The following XPC variants were observed in gnomAD, a reference collection of about 807,000 sequenced individuals.
The protein encoded by XPC is DNA repair protein complementing XP-C cells.
A neutral mutation model predicts 95.8 loss-of-function variants in XPC; 76 were observed. The observed-to-expected ratio is 0.79, with a 90% CI of 0.66 to 0.96. The LOEUF is 0.96. XPC is among the 40% of genes least tolerant of loss of function. XPC has a pLI of 0.00. For missense variants in XPC, 1,146 were observed against 1,179.8 expected (o/e 0.97, Z 0.42); for synonymous variants, 442 against 442.1 (o/e 1.00, Z 0.00).
chr3:14,176,098 C>T (rs1696804699), intron 1 of XPC, among the ~76,000 whole-genome samples: 1 of 152,216 alleles, frequency 6.6e-6, no homozygotes, highest in Non-Finnish European at 1.5e-5. Flanking sequence ...TTACATTTCA[C>T]AGAGGAAATT....
At position 14,158,312 on chromosome 3, in the gene XPC, C is replaced by T. The variant is rs1317925287; in HGVS notation, c.1571G>A (p.Ser524Asn). The change falls in exon 9 of 16, where the codon AGC (serine) becomes AAC (asparagine). Residue 524 changes from serine (S) to asparagine (N), a missense_variant. Transcript: ENST00000285021. The surrounding 1 kb of genome is among the most constrained non-coding windows in gnomAD (Gnocchi z 5.2). The part of the protein sequence containing the change: ...CSDGEKAEKR[S>N]IAGIDQWLEV... ...TAGCCACTGGTCTATACCAGCTATG[C>T]TTCTTTTTTCTGCCTTCTCACCATC... 1 of 1,614,032 alleles carries T rather than the reference C, an allele frequency of 6.2e-7. No homozygotes were observed. Among genetic ancestry groups the T allele is most frequent in the Admixed American group, 1.7e-5 (1 of 60,026 alleles).
Position 14,145,619 on chromosome 3 carries a change from G to A in XPC, c.*322C>T, listed in dbSNP as rs562756082. On this transcript the variant is annotated 3_prime_UTR_variant, in exon 16 of 16. Transcript: ENST00000285021. Reference sequence around the variant, plus strand: ...CCATACAAAAACTGATGTTTCTAAAGATGGAAAGAACAGGTCTAGGAGGCA... The same window carrying A: ...CCATACAAAAACTGATGTTTCTAAAAATGGAAAGAACAGGTCTAGGAGGCA... The A allele has an allele frequency of 2.9e-6, 2 of 699,456 alleles. No homozygotes were observed. The highest frequency in any genetic ancestry group is 5.4e-5 in the East Asian group (2 of 37,274). 43.3% of individuals were successfully genotyped at this position (699,456 alleles called of 1,614,324 possible).
chr3:14,167,651 T>TA (rs1406644631), intron 4 of XPC, among the ~76,000 whole-genome samples: 1 of 152,222 alleles, frequency 6.6e-6, no homozygotes, highest in African/African-American at 2.4e-5. Context: ...TGTTCTAGTG[T>TA]AAAATCTCTT....
Position 14,145,354 on chromosome 3 carries a change from A to C in XPC, c.*587T>G. 1 of 699,828 alleles carries C rather than the reference A, an allele frequency of 1.4e-6. No individual in the cohort carries two copies. Among genetic ancestry groups the C allele is most frequent in the Non-Finnish European group, 2.6e-6 (1 of 384,586 alleles). The allele number at this position is 699,828 out of a possible 1,614,324, so 43.4% of individuals were successfully genotyped here. A position where few individuals can be genotyped will look rare whatever the true frequency, so the allele number is the denominator to read the frequency against. On this transcript the variant is annotated 3_prime_UTR_variant, in exon 16 of 16. Coordinates refer to ENST00000285021, the MANE Select transcript of XPC (RefSeq NM_004628.5). The stretch of plus-strand genomic sequence containing the variant: ...TAGGCTTCTGTCACCACAAAATGTT[A>C]CTTGGAAAACTAGATCCCAGCAGAT...
chr3:14,168,911 C>T (rs767534582), intron 3 of XPC, among the ~76,000 whole-genome samples: 4 of 152,138 alleles, frequency 2.6e-5, no homozygotes, highest in African/African-American at 9.7e-5. Flanking sequence ...TATACAGTAG[C>T]TGAGAAGGAC....
intron 7 of XPC, chr3:14,164,586 A>G: frequency 2.2e-6 from 1 of 463,694 alleles, no homozygotes; most frequent in East Asian, 4.2e-5. Context: ...GAAAGCATAC[A>G]GGCCCTCCAC....
intron 3 of XPC, 101 bp from the exon 4 acceptor site, chr3:14,168,481 C>T: frequency 6.9e-7 from 1 of 1,454,590 alleles, no homozygotes; most frequent in Middle Eastern, 1.9e-4. Context: ...GGAAGTGAGG[C>T]ATGAATGTGA....
At chr3:14,166,983 T>C (rs1198248183) in intron 5 of XPC, among the ~76,000 whole-genome samples, 186 bp downstream of exon 5, 2 of 152,092 alleles carry the variant, frequency 1.3e-5, no homozygotes, top group African/African-American at 4.8e-5. Context: ...TTACCTATAA[T>C]ACACAACCAC....
chr3:14,167,291 G>T (rs760001837), intron 4 of XPC, 38 bp from the exon 5 acceptor site: 3 of 1,567,120 alleles, frequency 1.9e-6, no homozygotes, highest in Non-Finnish European at 2.6e-6. Context: ...ATGAAGGGGG[G>T]AACTGAAACC....
intron 5 of XPC, 93 bp downstream of exon 5, chr3:14,167,076 C>T (rs1696410230): frequency 5.1e-6 from 6 of 1,169,562 alleles, no homozygotes; most frequent in Admixed American, 6.3e-5. Context: ...TTGCCATGGC[C>T]ACAGAGCAGC....
At chr3:14,169,515 T>C (rs3731086) in intron 3 of XPC, among the ~76,000 whole-genome samples, 13 of 152,100 alleles carry the variant, frequency 8.5e-5, no homozygotes, top group Non-Finnish European at 1.9e-4. Context: ...TGCTCTATAT[T>C]AAGAGAGTAA....
At chr3:14,166,708 TTC>T (rs927429723) in intron 5 of XPC, among the ~76,000 whole-genome samples, 1 of 152,210 alleles carries the variant, frequency 6.6e-6, no homozygotes, top group Admixed American at 6.5e-5. Context: ...AGCCTTGAGT[TTC>T]TCTGTTTGGA....
chr3:14,175,348 C>T (rs1470107408), intron 1 of XPC, among the ~76,000 whole-genome samples: 1 of 152,208 alleles, frequency 6.6e-6, no homozygotes, highest in East Asian at 1.9e-4. Context: ...GAGGGTTTTT[C>T]TTTTCATCTA....
At chr3:14,165,057 C>T (rs1696320392) in intron 6 of XPC, 124 bp from the exon 7 acceptor site, 5 of 1,393,316 alleles carry the variant, frequency 3.6e-6, no homozygotes, top group Non-Finnish European at 4.8e-6. Flanking sequence ...CTACTTTCCC[C>T]AGCCCGTCTA....
chr3:14,169,354 G>A lies in XPC; in HGVS notation c.413-974C>T, dbSNP rs573316932. On this transcript the variant is annotated intron_variant, in intron 3 of 15. Transcript: ENST00000285021. ...GGACTTAGTTTACAAGAAATACAGG[G>A]GATATTGAAACAAGTTTAACACCAC... Among the ~76,000 whole-genome samples, 12 of 152,212 alleles carry A rather than the reference G, an allele frequency of 7.9e-5. No individual in the cohort carries two copies. In the East Asian group the frequency reaches 1.9e-3, roughly 24 times the overall value.
In XPC at chr3:14,172,857, G is replaced by T. The variant is rs768500241; in HGVS notation, c.299+10C>A. ...TCAAGACCCGAGACAAAGCTTTGCA[G>T]ACATCTCACCTGAGGTCATCCCCAT... On this transcript the variant is annotated intron_variant, in intron 2 of 15. Coordinates refer to ENST00000285021, the MANE Select transcript of XPC (RefSeq NM_004628.5). 1 of 1,608,440 alleles carries T rather than the reference G, an allele frequency of 6.2e-7. No homozygotes were observed. Among genetic ancestry groups the T allele is most frequent in the Non-Finnish European group, 8.5e-7 (1 of 1,177,596 alleles).
intron 11 of XPC, chr3:14,151,902 T>C (rs1014347248): frequency 6.1e-6 from 1 of 162,794 alleles, no homozygotes; most frequent in Non-Finnish European, 1.3e-5. Flanking sequence ...ATGGGCATCA[T>C]AATGCCAATT....
At position 14,149,028 on chromosome 3, in the gene XPC, C is replaced by T. The variant is rs1198445842; in HGVS notation, c.2116-80G>A. 4.6e-5 allele frequency: 73 copies of T among 1,576,238 alleles called. 1 individual carries two copies. The highest frequency in any genetic ancestry group is 3.4e-4 in the Middle Eastern group (2 of 5,800). ...CCGGGCCAGGCACCATGCTCAGTGC[C>T]GCATGCCTGGTACCTGGTGAACCCT... On this transcript the variant is annotated intron_variant, in intron 11 of 15. Transcript: ENST00000285021.
rs570147846 is a variant in XPC at position 14,152,790 on chromosome 3, C to T, written c.2034-374G>A. 9.1e-5 allele frequency: 17 copies of T among 186,730 alleles called. No homozygotes were observed. The South Asian group carries it at 1.5e-3, about 16-fold the overall frequency. The allele number at this position is 186,730 out of a possible 1,614,324, so 11.6% of individuals were successfully genotyped here. On this transcript the variant is annotated intron_variant, in intron 10 of 15. Coordinates refer to ENST00000285021, the MANE Select transcript of XPC (RefSeq NM_004628.5). ...ACTCACGTTTACTACCACCACCAAG[C>T]GAACACCTGCTGAGGCTCTGATCTG...
Sources: allele counts gnomAD v4.1 joint callset (sites outside exome capture counted in the v4.1 genomes callset), GRCh38; gene constraint gnomAD v4.1.1; non-coding constraint Gnocchi (gnomAD v3.1); transcripts MANE v1.5; gene names NCBI Gene and HGNC (gene_info 2026-07-23, HGNC 2026-07-21).